Variants in SUCNR1 observed in about 807,000 individuals in gnomAD.
SUCNR1 encodes succinate receptor 1.
In SUCNR1, 5 loss-of-function variants were observed where a neutral mutation model predicts 2.4. The observed-to-expected ratio is 2.07, with a 90% CI of 1.08 to 4.36. SUCNR1 has a LOEUF of 4.36. Among genes scored for constraint, SUCNR1 ranks in the 30% most tolerant of loss-of-function variants. SUCNR1 has a pLI of 0.00. For missense variants in SUCNR1, 373 were observed against 399.2 expected, an observed-to-expected ratio of 0.93 and a Z score of 0.56; for synonymous variants, 162 against 143.9, an observed-to-expected ratio of 1.13 and a Z score of -0.90.
At chr3:151,878,390 G>C (rs182864860) in intron 1 of SUCNR1, among the ~76,000 whole-genome samples, 8 of 152,202 alleles carry the variant, frequency 5.3e-5, no homozygotes, top group Non-Finnish European at 1.2e-4. Context: ...TGGTACCATG[G>C]GAATACTGAG....
Position 151,876,038 on chromosome 3 carries a change from C to G in SUCNR1, c.-42+2332C>G, listed in dbSNP as rs370537416. Among the ~76,000 whole-genome samples the G allele has an allele frequency of 3.3e-5, 5 of 152,042 alleles. No homozygotes were observed. The East Asian group carries it at 7.7e-4, about 23-fold the overall frequency. On this transcript the variant is annotated intron_variant, in intron 1 of 2. Transcript: ENST00000362032. ...AGTGGTGACTAGGCAGAAAGATAAA[C>G]GTTATGACCAGAAAAAAAGGAAATG...
In SUCNR1 at chr3:151,879,170, A is replaced by G. The variant is rs1718006769; in HGVS notation, c.-41-682A>G. On this transcript the variant is annotated intron_variant, in intron 1 of 2. Transcript: ENST00000362032. The stretch of plus-strand genomic sequence containing the variant: ...ATAATTAAAGTTCTTGAAATACCCT[A>G]TCCAATCACAATCTGGCCTCTTGAC... Among the ~76,000 whole-genome samples the G allele has an allele frequency of 2.6e-5, 4 of 152,210 alleles. 1 individual carries two copies. In the South Asian group the frequency reaches 8.3e-4, roughly 31 times the overall value.
chr3:151,879,950 AATT>A, intron 2 of SUCNR1, 43 bp downstream of exon 2: 1 of 1,491,490 alleles, frequency 6.7e-7, no homozygotes, highest in Non-Finnish European at 9.1e-7. Flanking sequence ...TCTTCTCTTC[AATT>A]ATTTTATCAT....
rs1291669772 is a variant in SUCNR1 at position 151,882,648 on chromosome 3, A to C, written c.*1100A>C. 1.3e-5 allele frequency: 2 copies of C among 152,178 alleles called. No homozygotes were observed. Among genetic ancestry groups the C allele is most frequent in the East Asian group, 3.8e-4 (2 of 5,202 alleles). The allele number at this position is 152,178 out of a possible 1,614,324, so 9.4% of individuals were successfully genotyped here. A position where few individuals can be genotyped will look rare whatever the true frequency, so the allele number is the denominator to read the frequency against. On this transcript the variant is annotated 3_prime_UTR_variant, in exon 3 of 3. Coordinates refer to ENST00000362032, the MANE Select transcript of SUCNR1 (RefSeq NM_033050.6). ...CACATCTGGAGTGAGCCTTGTTTTC[A>C]TGCAACATTACCATAAGACCATTGG...
In SUCNR1 at chr3:151,880,813, T is replaced by C. The variant is rs2108067635; in HGVS notation, c.270T>C (p.Tyr90=). ...IRSYANGNWI[Y]GDVLCISNRY... is the part of the protein sequence containing the mutation. ...GTTATGCCAATGGAAACTGGATATA[T>C]GGAGACGTGCTCTGCATAAGCAACC... The change falls in exon 3 of 3, where the codon TAT becomes TAC. Residue 90 remains tyrosine (Y), a synonymous_variant. Coordinates refer to ENST00000362032, the MANE Select transcript of SUCNR1 (RefSeq NM_033050.6). 6.2e-6 allele frequency: 10 copies of C among 1,614,190 alleles called. No homozygotes were observed. Among genetic ancestry groups the C allele is most frequent in the South Asian group, 2.2e-5 (2 of 91,082 alleles).
At position 151,881,621 on chromosome 3, in the gene SUCNR1, C is replaced by A; in HGVS notation, c.*73C>A. 2 of 1,334,742 alleles carry A rather than the reference C, an allele frequency of 1.5e-6. No homozygotes were observed. The highest frequency in any genetic ancestry group is 2.0e-6 in the Non-Finnish European group (2 of 980,184). The allele number at this position is 1,334,742 out of a possible 1,614,324, so 82.7% of individuals were successfully genotyped here. The stretch of plus-strand genomic sequence containing the variant: ...ACAGTTTGCCTTAACTCATAGACAT[C>A]AATCAGAGAGTGTCACAGATTTAAC... On this transcript the variant is annotated 3_prime_UTR_variant, in exon 3 of 3. Transcript: ENST00000362032.
chr3:151,875,225 C>T (rs1186551817), intron 1 of SUCNR1, among the ~76,000 whole-genome samples: 1 of 151,978 alleles, frequency 6.6e-6, no homozygotes, highest in Non-Finnish European at 1.5e-5. Flanking sequence ...ATCACTATTT[C>T]CATTTCCTAA....
At position 151,884,096 on chromosome 3, in the gene SUCNR1, C is replaced by T. The variant is rs1718182260; in HGVS notation, c.*2548C>T. ...CTTTTAATACTACTTATTTGAATTT[C>T]ATTATTTTTATTATAGTTTATTATT... On this transcript the variant is annotated 3_prime_UTR_variant, in exon 3 of 3. Coordinates refer to ENST00000362032, the MANE Select transcript of SUCNR1 (RefSeq NM_033050.6). 1 of 152,162 alleles carries T rather than the reference C, an allele frequency of 6.6e-6. No homozygotes were observed. The highest frequency in any genetic ancestry group is 1.5e-5 in the Non-Finnish European group (1 of 68,038). The allele number at this position is 152,162 out of a possible 1,614,324, so 9.4% of individuals were successfully genotyped here. A position where few individuals can be genotyped will look rare whatever the true frequency, so the allele number is the denominator to read the frequency against.
intron 1 of SUCNR1, among the ~76,000 whole-genome samples, chr3:151,874,509 T>C (rs1425245752): frequency 6.6e-6 from 1 of 152,048 alleles, no homozygotes; most frequent in Non-Finnish European, 1.5e-5. Flanking sequence ...AATAATGTAT[T>C]TGGGGGAATT....
intron 1 of SUCNR1, among the ~76,000 whole-genome samples, chr3:151,874,144 ATATTTTTT>A (rs1403530179): frequency 1.7e-4 from 11 of 62,882 alleles, no homozygotes; most frequent in Non-Finnish European, 3.1e-4. Context: ...ATATATATAT[ATATTTTTT>A]TTTTTTTTTT....
intron 1 of SUCNR1, among the ~76,000 whole-genome samples, chr3:151,874,847 C>A (rs1170392975): frequency 6.6e-6 from 1 of 151,890 alleles, no homozygotes; most frequent in Non-Finnish European, 1.5e-5. Flanking sequence ...AAAAAAAATT[C>A]TCATGTTACC....
Position 151,884,152 on chromosome 3 carries a change from T to C in SUCNR1, c.*2604T>C, listed in dbSNP as rs1196240448. 5.9e-5 allele frequency: 9 copies of C among 152,258 alleles called. No individual in the cohort carries two copies. Among genetic ancestry groups the C allele is most frequent in the Non-Finnish European group, 1.3e-4 (9 of 68,040 alleles). The allele number at this position is 152,258 out of a possible 1,614,324, so 9.4% of individuals were successfully genotyped here. On this transcript the variant is annotated 3_prime_UTR_variant, in exon 3 of 3. Transcript: ENST00000362032. ...CATAGCTGAGTACTCTTAAAATTACTGTTTATTATAAGTGAATGTCTTACA... is the reference window on the plus strand; with the variant it reads ...CATAGCTGAGTACTCTTAAAATTACCGTTTATTATAAGTGAATGTCTTACA...
At chr3:151,875,165 TA>T (rs1277214923) in intron 1 of SUCNR1, among the ~76,000 whole-genome samples, 1 of 152,124 alleles carries the variant, frequency 6.6e-6, no homozygotes, top group African/African-American at 2.4e-5. Flanking sequence ...TTTCTGCTCT[TA>T]AAAAATACCT....
chr3:151,874,115 C>T (rs9816903), intron 1 of SUCNR1, among the ~76,000 whole-genome samples: 43,968 of 118,690 alleles, frequency 0.37, 7,912 homozygotes, highest in African/African-American at 0.41. Flanking sequence ...CACACACACA[C>T]ATATACATAC....
chr3:151,876,752 G>A lies in SUCNR1; in HGVS notation c.-42+3046G>A, dbSNP rs140067030. 4.8e-3 allele frequency among the ~76,000 whole-genome samples: 736 copies of A among 152,032 alleles called. 3 individuals carry two copies. The highest frequency in any genetic ancestry group is 8.0e-3 in the Non-Finnish European group (546 of 67,964). On this transcript the variant is annotated intron_variant, in intron 1 of 2. Transcript: ENST00000362032. The stretch of plus-strand genomic sequence containing the variant: ...ATCATATTATATTATATATAGTGTT[G>A]ACTTTCACAGTGAAATAAGCAATGA...
intron 1 of SUCNR1, among the ~76,000 whole-genome samples, chr3:151,876,029 A>G (rs1717915910): frequency 6.6e-6 from 1 of 152,248 alleles, no homozygotes; most frequent in Admixed American, 6.5e-5. Context: ...GACTAGGCAG[A>G]AAGATAAACG....
At position 151,881,545 on chromosome 3, in the gene SUCNR1, G is replaced by T; in HGVS notation, c.1002G>T (p.Lys334Asn). 1.3e-6 allele frequency: 2 copies of T among 1,586,714 alleles called. No individual in the cohort carries two copies. Among genetic ancestry groups the T allele is most frequent in the Non-Finnish European group, 1.7e-6 (2 of 1,170,372 alleles). The change falls in exon 3 of 3, where the codon AAG becomes AAT. Residue 334 changes from lysine (K) to asparagine (N), a missense_variant. By Grantham distance (94) the Lys-to-Asn change is moderately conservative. Coordinates refer to ENST00000362032, the MANE Select transcript of SUCNR1 (RefSeq NM_033050.6). ...AACTCCTACTTTCATTCAGAGAAAA[G>T]TGAGGGGCTTGTGAAACAGATTGTT... The part of the protein sequence containing the change: ...AHELLLSFRE[K>N]
At position 151,881,762 on chromosome 3, in the gene SUCNR1, T is replaced by C; in HGVS notation, c.*214T>C. The stretch of plus-strand genomic sequence containing the variant: ...TTGAACTGCCTTATGTTTGGGCATG[T>C]AACTCCAAAATACTAGGTAGTATAA... On this transcript the variant is annotated 3_prime_UTR_variant, in exon 3 of 3. Transcript: ENST00000362032. The C allele has an allele frequency of 2.0e-6, 1 of 505,070 alleles. No homozygotes were observed. The highest frequency in any genetic ancestry group is 3.5e-6 in the Non-Finnish European group (1 of 289,164). 31.3% of individuals were successfully genotyped at this position (505,070 alleles called of 1,614,324 possible). A position where few individuals can be genotyped will look rare whatever the true frequency, so the allele number is the denominator to read the frequency against.
intron 1 of SUCNR1, among the ~76,000 whole-genome samples, chr3:151,876,976 G>T (rs111861587): frequency 6.6e-6 from 1 of 152,152 alleles, no homozygotes; most frequent in Non-Finnish European, 1.5e-5. Context: ...AAGAAGTTTA[G>T]TATACAATGA....
Sources: allele counts gnomAD v4.1 joint callset (sites outside exome capture counted in the v4.1 genomes callset), GRCh38; gene constraint gnomAD v4.1.1; transcripts MANE v1.5; gene names NCBI Gene and HGNC (gene_info 2026-07-23, HGNC 2026-07-21).